The following CHTOP variants were observed in gnomAD, a reference collection of about 807,000 sequenced individuals.
The protein encoded by CHTOP is chromatin target of PRMT1.
In CHTOP, 18 loss-of-function variants were observed where a neutral mutation model predicts 33.6. That is an observed-to-expected ratio of 0.54 (90% CI 0.37 to 0.80). The LOEUF is 0.80. CHTOP is among the 30% of genes least tolerant of loss of function. The pLI is 0.00. For synonymous variants in CHTOP, 117 were observed against 127.7 expected (o/e 0.92, Z 0.56); for missense variants, 263 against 336.8 (o/e 0.78, Z 1.71).
intron 3 of CHTOP, among the ~76,000 whole-genome samples, chr1:153,641,902 A>G (rs531765408): frequency 6.6e-6 from 1 of 152,342 alleles, no homozygotes; most frequent in South Asian, 2.1e-4. Flanking sequence ...AAGCAGTACA[A>G]TCCAGGATTG....
chr1:153,637,481 C>G (rs967813471), intron 2 of CHTOP: 1 of 152,164 alleles, frequency 6.6e-6, no homozygotes, highest in African/African-American at 2.4e-5. Flanking sequence ...AACCCTGTCT[C>G]TACTAAAAAT....
rs1417029939 is a variant in CHTOP at position 153,645,756 on chromosome 1, T to C, written c.*487T>C. ...ATCCTCTTCGATAGCCTGTTTAAAA[T>C]GTTTAGAAGGTCTGGAGCTCAAAAA... On this transcript the variant is annotated 3_prime_UTR_variant, in exon 6 of 6. Transcript: ENST00000368694. The C allele has an allele frequency of 1.3e-5, 2 of 158,412 alleles. No homozygotes were observed. Among genetic ancestry groups the C allele is most frequent in the Admixed American group, 1.2e-4 (2 of 16,254 alleles). 9.8% of individuals were successfully genotyped at this position (158,412 alleles called of 1,614,324 possible).
Position 153,645,077 on chromosome 1 carries a change from A to G in CHTOP, c.555A>G (p.Ile185Met), listed in dbSNP as rs1668761890. The G allele has an allele frequency of 6.6e-7, 1 of 1,519,358 alleles. No individual in the cohort carries two copies. Among genetic ancestry groups the G allele is most frequent in the Non-Finnish European group, 8.9e-7 (1 of 1,118,016 alleles). The allele number at this position is 1,519,358 out of a possible 1,614,324, so 94.1% of individuals were successfully genotyped here. Residue 185 changes from isoleucine (I) to methionine (M), a missense_variant, in exon 6 of 6, where the codon ATA becomes ATG. Coordinates refer to ENST00000368694, the MANE Select transcript of CHTOP (RefSeq NM_015607.4). ...CCTTTGGGCCAGGTCGGGGTATGAT[A>G]GGTCGGGGAAGAGGGGGCTTTGGAG... is the stretch of plus-strand genomic sequence containing the variant. ...GGIGGRGRGM[I>M]GRGRGGFGGR... is the part of the protein sequence containing the mutation.
rs1668823891 is a variant in CHTOP, at chr1:153,646,283, T to C, written c.*1014T>C. On this transcript the variant is annotated 3_prime_UTR_variant, in exon 6 of 6. Coordinates refer to ENST00000368694, the MANE Select transcript of CHTOP (RefSeq NM_015607.4). Reference sequence around the variant, plus strand: ...GGAATCTTGTATTTCTGGTTCATTATAACAAACTGTTCGCTTAAATCCACC... The same window carrying C: ...GGAATCTTGTATTTCTGGTTCATTACAACAAACTGTTCGCTTAAATCCACC... The C allele has an allele frequency of 6.6e-6, 1 of 152,168 alleles. No individual in the cohort carries two copies. Among genetic ancestry groups the C allele is most frequent in the Non-Finnish European group, 1.5e-5 (1 of 68,026 alleles). 9.4% of individuals were successfully genotyped at this position (152,168 alleles called of 1,614,324 possible).
chr1:153,643,395 TC>T (rs1286914492), intron 5 of CHTOP, 31 bp downstream of exon 5: 1 of 1,484,292 alleles, frequency 6.7e-7, no homozygotes, highest in Non-Finnish European at 8.9e-7. Context: ...AGAGAGTAGC[TC>T]CCCCTTACTT....
intron 2 of CHTOP, 153 bp from the exon 3 acceptor site, chr1:153,638,142 G>A (rs1668480220): frequency 4.4e-6 from 3 of 681,820 alleles, no homozygotes; most frequent in Non-Finnish European, 7.5e-6. Context: ...GGAAACAGAG[G>A]AGTCTTTAAC....
At chr1:153,639,473 C>T in intron 3 of CHTOP, 1 of 799,990 alleles carries the variant, frequency 1.3e-6, no homozygotes, top group Non-Finnish European at 1.5e-6. Context: ...GGTAGCATTG[C>T]ATGGCTATGC....
rs1668797795 is a variant in CHTOP at position 153,645,661 on chromosome 1, A to G, written c.*392A>G. The G allele has an allele frequency of 5.4e-6, 1 of 183,556 alleles. No individual in the cohort carries two copies. The highest frequency in any genetic ancestry group is 1.1e-5 in the Non-Finnish European group (1 of 88,150). 11.4% of individuals were successfully genotyped at this position (183,556 alleles called of 1,614,324 possible). ...GTTCATCCCTGTTGCCCCCACAGAA[A>G]CATCCCAGAAAAACCGGTCAGTGTT... On this transcript the variant is annotated 3_prime_UTR_variant, in exon 6 of 6. Transcript: ENST00000368694.
At chr1:153,638,149 T>C in intron 2 of CHTOP, 146 bp from the exon 3 acceptor site, 1 of 736,806 alleles carries the variant, frequency 1.4e-6, no homozygotes, top group Non-Finnish European at 2.3e-6. Context: ...GAGGAGTCTT[T>C]AACCCACATC....
chr1:153,634,203 C>T lies in CHTOP; in HGVS notation c.-158C>T, dbSNP rs945861954. ...AGCAACAACGAACTGAGCTCGCATA[C>T]TACCGCTTACGCATCTAACCAACCG... is the stretch of plus-strand genomic sequence containing the variant. On this transcript the variant is annotated 5_prime_UTR_variant, in exon 1 of 6. Coordinates refer to ENST00000368694, the MANE Select transcript of CHTOP (RefSeq NM_015607.4). 6.5e-6 allele frequency: 1 copy of T among 152,782 alleles called. No individual in the cohort carries two copies. Among genetic ancestry groups the T allele is most frequent in the Non-Finnish European group, 1.5e-5 (1 of 68,106 alleles). The allele number at this position is 152,782 out of a possible 1,614,324, so 9.5% of individuals were successfully genotyped here. A position where few individuals can be genotyped will look rare whatever the true frequency, so the allele number is the denominator to read the frequency against.
chr1:153,639,004 CCG>C (rs1194789240), intron 3 of CHTOP, among the ~76,000 whole-genome samples: 3 of 152,036 alleles, frequency 2.0e-5, no homozygotes, highest in Non-Finnish European at 4.4e-5. Flanking sequence ...CCTCAGCCTC[CCG>C]AACAGCTGGG....
chr1:153,638,559 C>G, intron 3 of CHTOP, 111 bp downstream of exon 3: 3 of 1,235,638 alleles, frequency 2.4e-6, no homozygotes, highest in Non-Finnish European at 3.5e-6. Flanking sequence ...GGGCAAAAAG[C>G]TGAAACTTCT....
chr1:153,643,507 C>G (rs1668699760), intron 5 of CHTOP, 143 bp downstream of exon 5: 1 of 849,104 alleles, frequency 1.2e-6, no homozygotes, highest in Admixed American at 3.3e-5. Context: ...GCTTATTTTT[C>G]AAATTACCAT....
At chr1:153,641,695 A>G (rs778025049) in intron 3 of CHTOP, among the ~76,000 whole-genome samples, 3 of 152,210 alleles carry the variant, frequency 2.0e-5, no homozygotes, top group Admixed American at 6.5e-5. Context: ...ATAGATTCTC[A>G]GAGGAAAAAT....
intron 1 of CHTOP, among the ~76,000 whole-genome samples, chr1:153,635,423 A>G (rs1429942454): frequency 6.6e-6 from 1 of 151,740 alleles, no homozygotes; most frequent in African/African-American, 2.4e-5. Flanking sequence ...AAGTGCTGAG[A>G]TTACAGGCGT....
At chr1:153,634,380 C>T in intron 1 of CHTOP, 37 bp downstream of exon 1, 1 of 152,924 alleles carries the variant, frequency 6.5e-6, no homozygotes, top group Non-Finnish European at 1.5e-5. Context: ...GGGGGAGGTG[C>T]GGTCTTGAGG....
In CHTOP at chr1:153,645,416, A is replaced by G. The variant is rs530858988; in HGVS notation, c.*147A>G. On this transcript the variant is annotated 3_prime_UTR_variant, in exon 6 of 6. Coordinates refer to ENST00000368694, the MANE Select transcript of CHTOP (RefSeq NM_015607.4). Reference sequence around the variant, plus strand: ...TTACTTGCCACCAGCTTGTGCATTTAGTGTGTTCCTTTTACTTTTTGATAC... The same window carrying G: ...TTACTTGCCACCAGCTTGTGCATTTGGTGTGTTCCTTTTACTTTTTGATAC... 11 of 547,060 alleles carry G rather than the reference A, an allele frequency of 2.0e-5. No homozygotes were observed. The East Asian group carries it at 3.9e-4, about 19-fold the overall frequency. The allele number at this position is 547,060 out of a possible 1,614,324, so 33.9% of individuals were successfully genotyped here.
intron 2 of CHTOP, chr1:153,636,862 G>A (rs2101683039): frequency 1.9e-6 from 1 of 540,514 alleles, no homozygotes; most frequent in Admixed American, 3.2e-5. Context: ...TAAGCTGTCT[G>A]AAGTATTTAT....
intron 5 of CHTOP, chr1:153,644,453 A>G (rs780161781): frequency 6.6e-6 from 1 of 152,320 alleles, no homozygotes; most frequent in Non-Finnish European, 1.5e-5. Flanking sequence ...TAAGGTAACT[A>G]GAATTAAAGG....
Sources: gnomAD v4.1 joint callset for allele counts (sites outside exome capture counted in the v4.1 genomes callset) on GRCh38, gnomAD v4.1.1 for gene constraint, MANE v1.5 for transcripts, NCBI Gene and HGNC (gene_info 2026-07-23, HGNC 2026-07-21) for gene names.